Variants in RASEF observed in about 807,000 individuals in gnomAD.
The protein encoded by RASEF is ras and EF-hand domain-containing protein.
Under a neutral mutation model 90.1 loss-of-function variants are expected in RASEF, and 68 were observed. That is an observed-to-expected ratio of 0.75 (90% confidence interval 0.62 to 0.92). The LOEUF (loss-of-function observed/expected upper bound fraction) is 0.92, where lower values mean the gene tolerates loss of function less well. Ranked by LOEUF, RASEF falls within the 40% of genes least tolerant of loss-of-function variation. RASEF has a pLI of 0.00. For missense variants in RASEF, 949 were observed against 937.2 expected, an observed-to-expected ratio of 1.01 and a Z score of -0.16; for synonymous variants, 331 against 345.2, an observed-to-expected ratio of 0.96 and a Z score of 0.46.
intron 1 of RASEF, among the ~76,000 whole-genome samples, chr9:83,047,336 C>G (rs1587521476): frequency 6.6e-6 from 1 of 152,176 alleles, no homozygotes; most frequent in South Asian, 2.1e-4. Context: ...GCTTTCGTGG[C>G]TGTTCAAATT....
the RASEF span, among the ~76,000 whole-genome samples, chr9:83,096,912 T>C: frequency 3.3e-5 from 5 of 152,026 alleles, no homozygotes; most frequent in Non-Finnish European, 7.4e-5. Flanking sequence ...GATAGTTTGC[T>C]GAGAATGATG....
the RASEF span, among the ~76,000 whole-genome samples, chr9:83,113,475 TA>T: frequency 2.0e-5 from 3 of 152,232 alleles, no homozygotes; most frequent in African/African-American, 4.8e-5. Context: ...AAGATAACCA[TA>T]AGGTCTGACT....
the RASEF span, among the ~76,000 whole-genome samples, chr9:83,203,748 T>C: frequency 1.3e-5 from 2 of 152,042 alleles, no homozygotes; most frequent in African/African-American, 2.4e-5. Context: ...GAGCTGGCTA[T>C]GGGTGGGCAC....
the RASEF span, among the ~76,000 whole-genome samples, chr9:83,085,126 T>C: frequency 6.6e-6 from 1 of 152,098 alleles, no homozygotes; most frequent in Non-Finnish European, 1.5e-5. Context: ...GAAAACAAAA[T>C]TGCTTCCAGT....
chr9:83,164,626 A>C, the RASEF span, among the ~76,000 whole-genome samples: 2 of 151,014 alleles, frequency 1.3e-5, 1 homozygote, highest in South Asian at 4.2e-4. Flanking sequence ...AAAAAAAAAG[A>C]AGGCAAAACA....
At chr9:83,198,053 C>G in the RASEF span, among the ~76,000 whole-genome samples, 9 of 152,206 alleles carry the variant, frequency 5.9e-5, no homozygotes, top group Non-Finnish European at 1.3e-4. Flanking sequence ...TCTCATCACT[C>G]TGGTCTGAGA....
the RASEF span, among the ~76,000 whole-genome samples, chr9:83,163,581 G>A: frequency 2.0e-5 from 3 of 152,128 alleles, no homozygotes; most frequent in Non-Finnish European, 2.9e-5. Context: ...AAACAGAAAT[G>A]AAGAATGCCT....
At chr9:83,187,437 G>C in the RASEF span, among the ~76,000 whole-genome samples, 1 of 152,008 alleles carries the variant, frequency 6.6e-6, no homozygotes. Context: ...ACTATGACAT[G>C]ATGGTTGGGG....
chr9:83,077,168 C>T, the RASEF span, among the ~76,000 whole-genome samples: 1 of 152,156 alleles, frequency 6.6e-6, no homozygotes, highest in East Asian at 1.9e-4. Context: ...CAAGCCAGTA[C>T]ACAGCCAATG....
At chr9:83,165,293 A>G in the RASEF span, among the ~76,000 whole-genome samples, 12 of 152,118 alleles carry the variant, frequency 7.9e-5, no homozygotes, top group African/African-American at 2.7e-4. Flanking sequence ...GAGAATAGAA[A>G]TCATACAATG....
the RASEF span, among the ~76,000 whole-genome samples, chr9:83,193,487 A>C: frequency 1.3e-5 from 2 of 152,222 alleles, no homozygotes; most frequent in Non-Finnish European, 2.9e-5. Flanking sequence ...AACAAGTTTT[A>C]GAGAGAAAAT....
the RASEF span, among the ~76,000 whole-genome samples, chr9:83,175,581 C>A: frequency 6.6e-6 from 1 of 151,336 alleles, no homozygotes; most frequent in African/African-American, 2.4e-5. Flanking sequence ...AGTATTATTT[C>A]AATCCTTTTT....
intron 1 of RASEF, among the ~76,000 whole-genome samples, chr9:83,049,529 C>CTTTTTTTTTTTTTTT (rs10687615): frequency 1.9e-4 from 19 of 99,084 alleles, no homozygotes; most frequent in African/African-American, 3.0e-4. Flanking sequence ...TTCTGCCTTC[C>CTTTTTTTTTTTTTTT]TTTTTTTTTT....
the RASEF span, among the ~76,000 whole-genome samples, chr9:83,181,835 CA>C: frequency 6.6e-6 from 1 of 152,078 alleles, no homozygotes; most frequent in African/African-American, 2.4e-5. Flanking sequence ...TAGAAAGTAA[CA>C]TAATAAAAAT....
the RASEF span, among the ~76,000 whole-genome samples, chr9:83,142,899 A>AACAG: frequency 0.54 from 81,548 of 151,602 alleles, 22,490 homozygotes; most frequent in East Asian, 0.66. Flanking sequence ...AAAATTATAA[A>AACAG]ACAGAACAAG....
chr9:83,173,686 A>G, the RASEF span, among the ~76,000 whole-genome samples: 2 of 151,732 alleles, frequency 1.3e-5, no homozygotes, highest in East Asian at 1.9e-4. Context: ...CAAGGTAGCA[A>G]TTTTGAATTC....
At chr9:83,177,543 C>T in the RASEF span, among the ~76,000 whole-genome samples, 2 of 150,704 alleles carry the variant, frequency 1.3e-5, no homozygotes, top group Non-Finnish European at 3.0e-5. Context: ...GTCTTCTGGC[C>T]TCCATTGTTT....
intron 9 of RASEF, among the ~76,000 whole-genome samples, chr9:83,004,113 TGCTGA>T (rs754363525): frequency 2.0e-5 from 3 of 152,192 alleles, no homozygotes; most frequent in Non-Finnish European, 4.4e-5. Flanking sequence ...TATAATATTA[TGCTGA>T]GCTATTAAAT....
the RASEF span, among the ~76,000 whole-genome samples, chr9:83,108,930 A>T: frequency 2.0e-5 from 3 of 152,214 alleles, no homozygotes; most frequent in Non-Finnish European, 4.4e-5. Flanking sequence ...CTGAAAATGT[A>T]TGTAGTCTAG....
Sources: allele counts gnomAD v4.1 joint callset (sites outside exome capture counted in the v4.1 genomes callset), GRCh38; gene constraint gnomAD v4.1.1; transcripts MANE v1.5; gene names NCBI Gene and HGNC (gene_info 2026-07-23, HGNC 2026-07-21).